Variants in EMILIN2 observed in about 807,000 individuals in gnomAD.
EMILIN2 encodes the protein elastin microfibril interfacer 2.
In EMILIN2, 71 loss-of-function variants were observed where a neutral mutation model predicts 87.1. The observed-to-expected ratio is 0.82, with a 90% CI of 0.67 to 0.99. The LOEUF is 0.99. Ranked by LOEUF, EMILIN2 falls within the 50% of genes least tolerant of loss-of-function variation. The pLI, the probability that EMILIN2 is intolerant of heterozygous loss-of-function variation, is 0.00. For missense variants in EMILIN2, 1,407 were observed against 1,371.8 expected, an observed-to-expected ratio of 1.03 and a Z score of -0.40; for synonymous variants, 581 against 563.4, an observed-to-expected ratio of 1.03 and a Z score of -0.44.
At position 2,853,236 on chromosome 18, in the gene EMILIN2, T is replaced by G. The variant is rs372330657; in HGVS notation, c.257+5305T>G. ...AAAGCCAAATCTCTTAAAAATTTCATTGTATTGGGGAATTTTCCCAATTAA... is the reference window on the plus strand; with the variant it reads ...AAAGCCAAATCTCTTAAAAATTTCAGTGTATTGGGGAATTTTCCCAATTAA... On this transcript the variant is annotated intron_variant, in intron 2 of 7. Transcript: ENST00000254528. Among the ~76,000 whole-genome samples the G allele has an allele frequency of 9.8e-5, 15 of 152,324 alleles. No homozygotes were observed. The East Asian group carries it at 1.9e-3, about 20-fold the overall frequency.
chr18:2,846,736 T>G (rs1029462131), upstream of EMILIN2: 1 of 984,988 alleles, frequency 1.0e-6, no homozygotes, highest in South Asian at 4.7e-5. The surrounding 1 kb of genome is among the most constrained non-coding windows in gnomAD (Gnocchi z 5.3). Context: ...GGAGCGAGCC[T>G]GTCGGAAGGT....
At chr18:2,853,090 ACT>A (rs2076609407) in intron 2 of EMILIN2, among the ~76,000 whole-genome samples, 1 of 152,108 alleles carries the variant, frequency 6.6e-6, no homozygotes. Flanking sequence ...GGACCTGTGG[ACT>A]CTAAATAACA....
rs147417011 is a variant in EMILIN2 at position 2,889,825 on chromosome 18, C to G, written c.434-736C>G. ...CTACAGGCACACACCACCTCCCTGACCAGCTTTCAATATTTGCATTCTTTG... is the reference window on the plus strand; with the variant it reads ...CTACAGGCACACACCACCTCCCTGAGCAGCTTTCAATATTTGCATTCTTTG... On this transcript the variant is annotated intron_variant, in intron 3 of 7. Transcript: ENST00000254528. Among the ~76,000 whole-genome samples the G allele has an allele frequency of 1.9e-3, 286 of 151,830 alleles. 1 individual carries two copies. The highest frequency in any genetic ancestry group is 6.8e-3 in the Middle Eastern group (2 of 292).
chr18:2,913,651 A>ATT lies in EMILIN2; in HGVS notation c.*247_*248insTT. 2.6e-6 allele frequency: 1 copy of ATT among 384,912 alleles called. No individual in the cohort carries two copies. The highest frequency in any genetic ancestry group is 4.6e-6 in the Non-Finnish European group (1 of 215,548). 23.8% of individuals were successfully genotyped at this position (384,912 alleles called of 1,614,324 possible). A position where few individuals can be genotyped will look rare whatever the true frequency, so the allele number is the denominator to read the frequency against. On this transcript the variant is annotated 3_prime_UTR_variant, in exon 8 of 8. Coordinates refer to ENST00000254528, the MANE Select transcript of EMILIN2 (RefSeq NM_032048.3). ...CTAACTGGACAACTGGAAGACTTGG[A>ATT]AAGGCCTCCACCTGTATCTACACTC...
intron 2 of EMILIN2, among the ~76,000 whole-genome samples, chr18:2,865,905 A>C (rs7241356): frequency 0.25 from 37,927 of 152,106 alleles, 5,230 homozygotes; most frequent in Admixed American, 0.35. Flanking sequence ...AAGCGTCGGC[A>C]ATGGCAGGTG....
At chr18:2,907,418 G>C (rs2144071656) in intron 5 of EMILIN2, among the ~76,000 whole-genome samples, 1 of 152,356 alleles carries the variant, frequency 6.6e-6, no homozygotes, top group Admixed American at 6.5e-5. Context: ...TTGGGTAGCA[G>C]CAAAGCAGGT....
chr18:2,868,403 T>C (rs371613157), intron 2 of EMILIN2, among the ~76,000 whole-genome samples: 55 of 152,298 alleles, frequency 3.6e-4, no homozygotes, highest in South Asian at 6.2e-4. Context: ...GGGTGGCGGC[T>C]GGGCAGAGAC....
intron 4 of EMILIN2, 93 bp from the exon 5 acceptor site, chr18:2,906,690 C>G: frequency 3.0e-5 from 31 of 1,042,590 alleles, no homozygotes; most frequent in Non-Finnish European, 3.8e-5. Flanking sequence ...ACGGGGACCC[C>G]GCTCGCCGGG....
intron 2 of EMILIN2, among the ~76,000 whole-genome samples, chr18:2,864,627 T>C (rs2076677480): frequency 6.6e-6 from 1 of 152,220 alleles, no homozygotes; most frequent in Non-Finnish European, 1.5e-5. Flanking sequence ...TAACCTGACC[T>C]TTCTCTCTGG....
chr18:2,859,967 C>G (rs1484274232), intron 2 of EMILIN2, among the ~76,000 whole-genome samples: 3 of 152,176 alleles, frequency 2.0e-5, no homozygotes, highest in Admixed American at 6.5e-5. Flanking sequence ...GTTTTGGTGA[C>G]TATGGCTTTA....
intron 4 of EMILIN2, among the ~76,000 whole-genome samples, chr18:2,901,770 C>CT (rs2076889015): frequency 6.6e-6 from 1 of 152,240 alleles, no homozygotes; most frequent in Non-Finnish European, 1.5e-5. Flanking sequence ...GAGCAGAGTG[C>CT]TATCCAGCCT....
At chr18:2,856,080 T>C (rs75427174) in intron 2 of EMILIN2, among the ~76,000 whole-genome samples, 2,067 of 152,110 alleles carry the variant, frequency 0.014, 41 homozygotes, top group African/African-American at 0.047. Flanking sequence ...AAGATGAACT[T>C]TAAGTGAAGC....
Position 2,907,053 on chromosome 18 carries a change from T to A in EMILIN2, c.2630T>A (p.Val877Asp). 7.9e-7 allele frequency: 1 copy of A among 1,270,608 alleles called. No individual in the cohort carries two copies. 78.7% of individuals were successfully genotyped at this position (1,270,608 alleles called of 1,614,324 possible). The change falls in exon 5 of 8, where the codon GTC (valine) becomes GAC (aspartate). Residue 877 changes from valine (V) to aspartate (D), a missense_variant. Transcript: ENST00000254528. The stretch of plus-strand genomic sequence containing the variant: ...GACGGCCAGACCGGGAGCGGCACCG[T>A]CCCCGGCGCAGAAGGCTTCGCGGGC... The part of the protein sequence containing the change: ...GVDGQTGSGT[V>D]PGAEGFAGAP...
At chr18:2,889,128 C>A (rs796393898) in intron 3 of EMILIN2, among the ~76,000 whole-genome samples, 8 of 83,002 alleles carry the variant, frequency 9.6e-5, no homozygotes, top group African/African-American at 3.0e-4. Context: ...TCATTTCTTT[C>A]TTTTCTTTTT....
intron 3 of EMILIN2, among the ~76,000 whole-genome samples, chr18:2,889,128 C>CTT (rs1218857359): frequency 6.0e-5 from 5 of 83,000 alleles, no homozygotes; most frequent in South Asian, 5.0e-4. Context: ...TCATTTCTTT[C>CTT]TTTTCTTTTT....
intron 2 of EMILIN2, among the ~76,000 whole-genome samples, chr18:2,853,544 G>A (rs1259503914): frequency 6.6e-6 from 1 of 152,190 alleles, no homozygotes; most frequent in Non-Finnish European, 1.5e-5. Flanking sequence ...TTTCCTTAAA[G>A]TGCATCGTGA....
At chr18:2,850,731 C>T (rs1260820800) in intron 2 of EMILIN2, among the ~76,000 whole-genome samples, 2 of 152,010 alleles carry the variant, frequency 1.3e-5, no homozygotes, top group African/African-American at 2.4e-5. Context: ...GAGATAGAAA[C>T]GCATTTCTGC....
chr18:2,900,372 C>T (rs190280295), intron 4 of EMILIN2, among the ~76,000 whole-genome samples: 107 of 152,184 alleles, frequency 7.0e-4, no homozygotes, highest in African/African-American at 2.4e-3. Context: ...AATTTTTTGT[C>T]GAGACAGAGT....
intron 3 of EMILIN2, among the ~76,000 whole-genome samples, chr18:2,887,924 C>G (rs2144030519): frequency 1.3e-5 from 2 of 152,284 alleles, no homozygotes; most frequent in South Asian, 4.1e-4. Context: ...ACCTCAGCAT[C>G]CCAAAGTGCT....
Sources: allele counts gnomAD v4.1 joint callset (sites outside exome capture counted in the v4.1 genomes callset), GRCh38; gene constraint gnomAD v4.1.1; non-coding constraint Gnocchi (gnomAD v3.1); transcripts MANE v1.5; gene names NCBI Gene and HGNC (gene_info 2026-07-23, HGNC 2026-07-21).